The following REL variants were observed in gnomAD, a reference collection of about 807,000 sequenced individuals.
REL encodes REL proto-oncogene, NF-kB subunit.
In REL, 15 loss-of-function variants were observed where a neutral mutation model predicts 45.9. The ratio of observed to expected loss-of-function variants is 0.33; its 90% CI spans 0.22 to 0.50. The LOEUF is 0.50. Among genes scored for constraint, REL ranks in the 20% least tolerant of loss-of-function variants. The pLI, the probability that REL is intolerant of heterozygous loss-of-function variation, is 0.98. For synonymous variants in REL, 239 were observed against 242.1 expected (o/e 0.99, Z 0.12); for missense variants, 601 against 715.2 (o/e 0.84, Z 1.82).
At chr2:60,882,353 C>T (rs961138245) in intron 1 of REL, among the ~76,000 whole-genome samples, 5 of 152,074 alleles carry the variant, frequency 3.3e-5, no homozygotes, top group Admixed American at 2.0e-4. Context: ...TTAGAAAATC[C>T]GTGGTATTTT....
intron 4 of REL, among the ~76,000 whole-genome samples, chr2:60,906,047 G>A (rs1337237253): frequency 6.6e-6 from 1 of 152,184 alleles, no homozygotes; most frequent in East Asian, 1.9e-4. Flanking sequence ...GAGGTGAAAG[G>A]CACTTCTTAG....
chr2:60,881,812 G>C lies in REL; in HGVS notation c.-29G>C, dbSNP rs534743679. On this transcript the variant is annotated 5_prime_UTR_variant, in exon 1 of 10. Transcript: ENST00000394479. ...GCCTCCGGCCAGGACGCTGGGAGCT[G>C]CCTGCGGGAAGGTGCGGGGAGCGGA... is the stretch of plus-strand genomic sequence containing the variant. 22 of 1,526,726 alleles carry C rather than the reference G, an allele frequency of 1.4e-5. No homozygotes were observed. In the East Asian group the frequency reaches 3.4e-4, roughly 24 times the overall value. The allele number at this position is 1,526,726 out of a possible 1,614,324, so 94.6% of individuals were successfully genotyped here. A position where few individuals can be genotyped will look rare whatever the true frequency, so the allele number is the denominator to read the frequency against.
At chr2:60,888,822 AC>A (rs1380719870) in intron 1 of REL, among the ~76,000 whole-genome samples, 2 of 152,166 alleles carry the variant, frequency 1.3e-5, no homozygotes, top group African/African-American at 4.8e-5. Context: ...ATTTCTCTTA[AC>A]CCTACTGTTC....
At chr2:60,912,797 G>A (rs545895201) in intron 4 of REL, among the ~76,000 whole-genome samples, 1 of 151,678 alleles carries the variant, frequency 6.6e-6, no homozygotes, top group East Asian at 1.9e-4. Context: ...CAGAGCTAAG[G>A]AAATATGCGA....
intron 3 of REL, 67 bp from the exon 4 acceptor site, chr2:60,900,925 A>T: frequency 7.6e-7 from 1 of 1,311,868 alleles, no homozygotes; most frequent in Non-Finnish European, 1.1e-6. Context: ...GTATTGCTAT[A>T]TGTTTGATTT....
At chr2:60,891,318 A>G (rs1358275107) in intron 1 of REL, among the ~76,000 whole-genome samples, 1 of 152,084 alleles carries the variant, frequency 6.6e-6, no homozygotes, top group African/African-American at 2.4e-5. Context: ...TGCCTTCTTT[A>G]CCCTTCTTGG....
chr2:60,912,051 A>G (rs377693304), intron 4 of REL, among the ~76,000 whole-genome samples: 143 of 152,030 alleles, frequency 9.4e-4, no homozygotes, highest in Non-Finnish European at 1.3e-3. Context: ...AGTAGATTCA[A>G]TGCAACTCCA....
At chr2:60,908,002 T>C (rs1426658194) in intron 4 of REL, among the ~76,000 whole-genome samples, 1 of 152,008 alleles carries the variant, frequency 6.6e-6, no homozygotes, top group African/African-American at 2.4e-5. Context: ...TTATTTGTAC[T>C]TTTCTACCAA....
intron 4 of REL, among the ~76,000 whole-genome samples, chr2:60,910,746 A>T (rs1673790811): frequency 6.6e-6 from 1 of 152,104 alleles, no homozygotes; most frequent in Admixed American, 6.6e-5. Context: ...ACCTTGGCCA[A>T]CATGGTGAAA....
At chr2:60,888,444 T>C (rs908685716) in intron 1 of REL, among the ~76,000 whole-genome samples, 10 of 152,204 alleles carry the variant, frequency 6.6e-5, no homozygotes, top group African/African-American at 2.2e-4. Context: ...TTTTAACAGT[T>C]TTTAAGAGGA....
intron 1 of REL, among the ~76,000 whole-genome samples, chr2:60,882,931 A>G (rs1672981397): frequency 6.6e-6 from 1 of 152,196 alleles, no homozygotes; most frequent in Non-Finnish European, 1.5e-5. Context: ...ATTGCAGAGC[A>G]AGAAAGTCTC....
intron 3 of REL, among the ~76,000 whole-genome samples, chr2:60,898,312 T>A (rs1350256351): frequency 6.6e-6 from 1 of 152,222 alleles, no homozygotes; most frequent in Non-Finnish European, 1.5e-5. Context: ...CAGCATTCCT[T>A]CTATATAGCC....
chr2:60,920,229 T>TCC (rs1373086040), intron 8 of REL, 120 bp downstream of exon 8: 1 of 789,942 alleles, frequency 1.3e-6, no homozygotes, highest in East Asian at 2.7e-5. Context: ...TGAGATAGCA[T>TCC]CTCTCTCTGT....
intron 3 of REL, chr2:60,900,531 T>C (rs1673464502): frequency 6.3e-6 from 1 of 158,296 alleles, no homozygotes; most frequent in African/African-American, 2.4e-5. Context: ...CCACTTCTTT[T>C]TTTTTTTTTG....
intron 4 of REL, among the ~76,000 whole-genome samples, chr2:60,910,545 C>CT (rs1364456432): frequency 2.7e-5 from 4 of 150,696 alleles, no homozygotes; most frequent in Non-Finnish European, 5.9e-5. Context: ...TATATTTTGA[C>CT]TAACTACAAA....
intron 2 of REL, among the ~76,000 whole-genome samples, chr2:60,893,961 A>G (rs1186103082): frequency 1.3e-5 from 2 of 152,216 alleles, no homozygotes; most frequent in Non-Finnish European, 2.9e-5. Context: ...TTGTGAAGTG[A>G]AATGTCATAT....
rs981739796 is a variant in REL at position 60,924,372 on chromosome 2, A to G, written c.*1837A>G. 4.6e-6 allele frequency: 1 copy of G among 217,096 alleles called. No homozygotes were observed. Among genetic ancestry groups the G allele is most frequent in the Non-Finnish European group, 9.3e-6 (1 of 107,928 alleles). 13.4% of individuals were successfully genotyped at this position (217,096 alleles called of 1,614,324 possible). A position where few individuals can be genotyped will look rare whatever the true frequency, so the allele number is the denominator to read the frequency against. On this transcript the variant is annotated 3_prime_UTR_variant, in exon 10 of 10. Coordinates refer to ENST00000394479, the MANE Select transcript of REL (RefSeq NM_001291746.2). Reference sequence around the variant, plus strand: ...AATGCCTACCTTATATTAAACACTCAGTAAATGTTTATTGAACATTAAAAG... The same window carrying G: ...AATGCCTACCTTATATTAAACACTCGGTAAATGTTTATTGAACATTAAAAG...
intron 3 of REL, chr2:60,900,788 G>A (rs1673473457): frequency 4.2e-6 from 2 of 475,614 alleles, no homozygotes; most frequent in East Asian, 8.5e-5. Flanking sequence ...CTCCCAAAGT[G>A]CTGGGATTAC....
At chr2:60,889,026 T>G (rs1673139105) in intron 1 of REL, among the ~76,000 whole-genome samples, 1 of 152,212 alleles carries the variant, frequency 6.6e-6, no homozygotes, top group African/African-American at 2.4e-5. Context: ...ATCATGTGAT[T>G]TGCCTGCATC....
Sources: gnomAD v4.1 joint callset for allele counts (sites outside exome capture counted in the v4.1 genomes callset) on GRCh38, gnomAD v4.1.1 for gene constraint, MANE v1.5 for transcripts, NCBI Gene and HGNC (gene_info 2026-07-23, HGNC 2026-07-21) for gene names.